The following ADGRG2 variants were observed in gnomAD, a reference collection of about 807,000 sequenced individuals.
ADGRG2 encodes adhesion G protein-coupled receptor G2.
ADGRG2 carries 26 observed loss-of-function variants against 74.1 expected under a neutral mutation model. The observed-to-expected ratio is 0.35, with a 90% CI of 0.26 to 0.49. The LOEUF is 0.49. Among genes scored for constraint, ADGRG2 ranks in the 20% least tolerant of loss-of-function variants. The pLI is 0.99. For missense variants in ADGRG2, 619 were observed against 763.1 expected, an observed-to-expected ratio of 0.81 and a Z score of 2.22; for synonymous variants, 296 against 295.2, an observed-to-expected ratio of 1.00 and a Z score of -0.03.
chrX:19,121,381 T>C (rs2062606276), intron 1 of ADGRG2, among the ~76,000 whole-genome samples: 2 of 111,870 alleles, frequency 1.8e-5, no homozygotes, highest in Non-Finnish European at 3.8e-5. Flanking sequence ...TGTCAGTTAA[T>C]TTTTCAAGCG....
chrX:19,042,230 C>A (rs2061081707), intron 3 of ADGRG2, among the ~76,000 whole-genome samples: 1 of 111,689 alleles, frequency 9.0e-6, no homozygotes, highest in African/African-American at 3.3e-5. Flanking sequence ...CAAAGAGCTA[C>A]CACACTGGGC....
At chrX:19,013,054 T>C (rs2060391612) in intron 16 of ADGRG2, among the ~76,000 whole-genome samples, 1 of 111,082 alleles carries the variant, frequency 9.0e-6, no homozygotes, top group African/African-American at 3.3e-5. Context: ...AGAAGGAGCT[T>C]GTTCCAGATT....
intron 1 of ADGRG2, among the ~76,000 whole-genome samples, chrX:19,089,685 C>G (rs2061985086): frequency 9.0e-6 from 1 of 111,407 alleles, no homozygotes; most frequent in Non-Finnish European, 1.9e-5. Context: ...TGGAAACCAG[C>G]CTGAGCTAGT....
intron 1 of ADGRG2, among the ~76,000 whole-genome samples, chrX:19,106,915 G>A (rs2062307560): frequency 9.5e-6 from 1 of 105,645 alleles, no homozygotes; most frequent in South Asian, 4.0e-4. Flanking sequence ...GTGAGACTCT[G>A]TCTCAAAAAA....
intron 1 of ADGRG2, among the ~76,000 whole-genome samples, chrX:19,111,508 A>G (rs986451330): frequency 8.9e-6 from 1 of 111,749 alleles, no homozygotes; most frequent in Non-Finnish European, 1.9e-5. Flanking sequence ...CACAACAAGA[A>G]AGTGGTCAAA....
At chrX:19,049,438 G>GTTTT (rs752686975) in intron 3 of ADGRG2, among the ~76,000 whole-genome samples, 29 of 82,092 alleles carry the variant, frequency 3.5e-4, no homozygotes, top group Non-Finnish European at 5.6e-4. Context: ...CGTTTTTTGT[G>GTTTT]TTTTTTTTTT....
At chrX:19,040,283 T>G in intron 3 of ADGRG2, 59 bp from the exon 4 acceptor site, 1 of 785,090 alleles carries the variant, frequency 1.3e-6, no homozygotes, top group East Asian at 3.2e-5. Context: ...TCAATAAAAT[T>G]GTACTATATT....
intron 25 of ADGRG2, 116 bp from the exon 26 acceptor site, chrX:18,999,395 A>G (rs746791742): frequency 3.1e-6 from 2 of 640,707 alleles, no homozygotes; most frequent in Non-Finnish European, 4.7e-6. Context: ...CCAGTACAAG[A>G]GAAAAAAAAT....
At chrX:19,023,551 A>C in intron 12 of ADGRG2, 98 bp from the exon 13 acceptor site, 2 of 507,738 alleles carry the variant, frequency 3.9e-6, no homozygotes, top group Non-Finnish European at 6.6e-6. Flanking sequence ...GAATTTTAGA[A>C]TCACGAGAGC....
chrX:19,114,749 G>A (rs2062480200), intron 1 of ADGRG2, among the ~76,000 whole-genome samples: 2 of 111,766 alleles, frequency 1.8e-5, no homozygotes. Flanking sequence ...ACTATGCTAA[G>A]CCATAAACGT....
chrX:19,042,265 T>A (rs757281797), intron 3 of ADGRG2, among the ~76,000 whole-genome samples: 2 of 111,346 alleles, frequency 1.8e-5, no homozygotes, highest in Non-Finnish European at 3.8e-5. Context: ...CTGGGTAAAA[T>A]CAACATTCAA....
intron 15 of ADGRG2, among the ~76,000 whole-genome samples, chrX:19,015,651 G>A (rs959409535): frequency 4.5e-5 from 5 of 112,035 alleles, no homozygotes; most frequent in Non-Finnish European, 9.4e-5. Flanking sequence ...CCCGGGTAGC[G>A]GAGGTTGCAG....
chrX:19,095,798 G>A (rs1293890267), intron 1 of ADGRG2, among the ~76,000 whole-genome samples: 12 of 111,089 alleles, frequency 1.1e-4, no homozygotes, highest in Admixed American at 5.8e-4. Flanking sequence ...AGGATCACTC[G>A]AGTCCAGGAG....
intron 1 of ADGRG2, among the ~76,000 whole-genome samples, chrX:19,100,904 T>C (rs2062176379): frequency 8.8e-6 from 1 of 113,359 alleles, no homozygotes; most frequent in Non-Finnish European, 1.9e-5. Flanking sequence ...AAACTCAGCT[T>C]TGCGATTCCT....
At chrX:19,022,841 A>T (rs7050008) in intron 13 of ADGRG2, among the ~76,000 whole-genome samples, 26,795 of 110,306 alleles carry the variant, frequency 0.24, 3,668 homozygotes, top group African/African-American at 0.51. Flanking sequence ...GGATTACAAG[A>T]GCCCGCCACC....
chrX:19,082,280 A>T (rs897977), intron 2 of ADGRG2, among the ~76,000 whole-genome samples: 39,589 of 109,165 alleles, frequency 0.36, 6,462 homozygotes, highest in African/African-American at 0.62. Context: ...TTGGTCCATT[A>T]CAAAACATGA....
At chrX:19,116,140 C>T (rs776184037) in intron 1 of ADGRG2, among the ~76,000 whole-genome samples, 3 of 104,166 alleles carry the variant, frequency 2.9e-5, no homozygotes, top group Admixed American at 1.0e-4. Context: ...GCTTAAGCAC[C>T]GAAGGTTGAG....
chrX:19,043,623 T>A (rs996643754), intron 3 of ADGRG2, among the ~76,000 whole-genome samples: 43 of 111,339 alleles, frequency 3.9e-4, no homozygotes, highest in Non-Finnish European at 7.5e-4. Context: ...GTGATTTTTT[T>A]AAAACAAAGT....
intron 1 of ADGRG2, among the ~76,000 whole-genome samples, chrX:19,116,653 A>G (rs1490494706): frequency 9.0e-6 from 1 of 111,226 alleles, no homozygotes; most frequent in Non-Finnish European, 1.9e-5. Flanking sequence ...CAGTAATTCA[A>G]GAGAGAAATA....
Sources: allele counts gnomAD v4.1 joint callset (sites outside exome capture counted in the v4.1 genomes callset), GRCh38; gene constraint gnomAD v4.1.1; transcripts MANE v1.5; gene names NCBI Gene and HGNC (gene_info 2026-07-23, HGNC 2026-07-21).